MARCHF1: variants seen among roughly 807,000 people sequenced by gnomAD.
The protein encoded by MARCHF1 is membrane associated ring-CH-type finger 1, also known as E3 ubiquitin-protein ligase MARCHF1.
A neutral mutation model predicts 54.2 loss-of-function variants in MARCHF1; 40 were observed. The ratio of observed to expected loss-of-function variants is 0.74; its 90% confidence interval spans 0.57 to 0.96. The LOEUF (loss-of-function observed/expected upper bound fraction) is 0.96, where lower values mean the gene tolerates loss of function less well. Ranked by LOEUF, MARCHF1 falls within the 40% of genes least tolerant of loss-of-function variation. The probability of loss-of-function intolerance (pLI) is 0.00; values close to 1 mark genes in which losing one functional copy is unlikely to be tolerated. For missense variants in MARCHF1, 586 were observed against 656.5 expected (o/e 0.89, Z 1.17); for synonymous variants, 236 against 236.3 (o/e 1.00, Z 0.01).
At chr4:163,635,086 G>A (rs368194070) in intron 5 of MARCHF1, among the ~76,000 whole-genome samples, 3 of 71,176 alleles carry the variant, frequency 4.2e-5, no homozygotes, top group East Asian at 4.4e-4. Context: ...TCTCTGGGAC[G>A]CATTCAAAGC....
chr4:163,879,589 A>C, intron 3 of MARCHF1, among the ~76,000 whole-genome samples: 1 of 152,218 alleles, frequency 6.6e-6, no homozygotes. Context: ...GTATGTGTGC[A>C]CGTGCTTGTG....
At chr4:163,723,639 T>C (rs1199890635) in intron 4 of MARCHF1, among the ~76,000 whole-genome samples, 1 of 152,222 alleles carries the variant, frequency 6.6e-6, no homozygotes, top group Non-Finnish European at 1.5e-5. Flanking sequence ...GGTTCCATTC[T>C]CCCCATCACT....
At chr4:163,992,291 G>A (rs1267232383) in intron 2 of MARCHF1, among the ~76,000 whole-genome samples, 3 of 152,052 alleles carry the variant, frequency 2.0e-5, no homozygotes, top group Non-Finnish European at 2.9e-5. Context: ...ATAAAATTAT[G>A]TGGCATAATA....
chr4:163,902,922 G>A (rs1218044614), intron 3 of MARCHF1, among the ~76,000 whole-genome samples: 2 of 151,954 alleles, frequency 1.3e-5, no homozygotes, highest in Non-Finnish European at 2.9e-5. Flanking sequence ...CTTCTCCAGT[G>A]TCTGCCCCTT....
chr4:164,345,775 T>A (rs1371625787), intron 1 of MARCHF1, among the ~76,000 whole-genome samples: 1 of 152,128 alleles, frequency 6.6e-6, no homozygotes, highest in Admixed American at 6.5e-5. Context: ...TATTTTATCA[T>A]CTGCTGCTGG....
At chr4:163,607,925 T>G (rs1013723303) in intron 7 of MARCHF1, among the ~76,000 whole-genome samples, 1 of 152,034 alleles carries the variant, frequency 6.6e-6, no homozygotes, top group Non-Finnish European at 1.5e-5. Context: ...CTCACTAAAG[T>G]TTTAGAACTG....
intron 5 of MARCHF1, among the ~76,000 whole-genome samples, chr4:163,679,109 A>G (rs1373918727): frequency 6.6e-6 from 1 of 152,208 alleles, no homozygotes; most frequent in Non-Finnish European, 1.5e-5. Context: ...TTGGCTCTCA[A>G]AACATCCAAA....
At position 164,131,797 on chromosome 4, in the gene MARCHF1, G is replaced by A. The variant is rs974696696; in HGVS notation, c.-322-20135C>T. On this transcript the variant is annotated intron_variant, in intron 1 of 9. Transcript: ENST00000514618. Reference sequence around the variant, plus strand: ...GTTTAACGCCTGAGAAGTTTTCAGTGAATTAATTAGCTTTACATAAAAATG... The same window carrying A: ...GTTTAACGCCTGAGAAGTTTTCAGTAAATTAATTAGCTTTACATAAAAATG... 1.4e-4 allele frequency among the ~76,000 whole-genome samples: 21 copies of A among 152,190 alleles called. 1 individual carries two copies. Among genetic ancestry groups the A allele is most frequent in the African/African-American group, 4.8e-4 (20 of 41,558 alleles).
chr4:164,186,490 C>T (rs1048728309), intron 1 of MARCHF1, among the ~76,000 whole-genome samples: 1 of 152,168 alleles, frequency 6.6e-6, no homozygotes, highest in Non-Finnish European at 1.5e-5. Flanking sequence ...TGAGCCAGTG[C>T]AATCTTTTTG....
At chr4:164,348,213 T>A (rs977683946) in intron 1 of MARCHF1, among the ~76,000 whole-genome samples, 3 of 152,102 alleles carry the variant, frequency 2.0e-5, no homozygotes, top group African/African-American at 7.2e-5. Flanking sequence ...CAGACTTACT[T>A]AAAAGCATGG....
At chr4:163,637,132 C>T (rs1481486583) in intron 5 of MARCHF1, among the ~76,000 whole-genome samples, 5 of 151,690 alleles carry the variant, frequency 3.3e-5, no homozygotes, top group African/African-American at 1.2e-4. Context: ...AGACCTAAAA[C>T]CATAAAAACC....
At chr4:164,147,055 C>CA (rs1274820609) in intron 1 of MARCHF1, among the ~76,000 whole-genome samples, 2 of 151,668 alleles carry the variant, frequency 1.3e-5, no homozygotes, top group South Asian at 2.1e-4. Context: ...TTTATGCAGC[C>CA]AAAAAACACA....
chr4:163,849,079 T>C (rs950332143), intron 4 of MARCHF1, among the ~76,000 whole-genome samples: 2 of 152,194 alleles, frequency 1.3e-5, no homozygotes, highest in African/African-American at 4.8e-5. Context: ...TTTAGTCAAA[T>C]ATGTACAATC....
chr4:163,698,095 T>G (rs1042478148), intron 5 of MARCHF1, among the ~76,000 whole-genome samples: 2 of 152,264 alleles, frequency 1.3e-5, no homozygotes, highest in Middle Eastern at 3.4e-3. Context: ...ACAGACAAAC[T>G]TACTAGGGAT....
intron 5 of MARCHF1, among the ~76,000 whole-genome samples, chr4:163,628,529 T>C (rs1214966160): frequency 6.6e-6 from 1 of 152,118 alleles, no homozygotes; most frequent in African/African-American, 2.4e-5. Context: ...TTCAACATAG[T>C]ATTAGAAGCT....
At chr4:163,904,907 A>G (rs1381238602) in intron 3 of MARCHF1, among the ~76,000 whole-genome samples, 1 of 152,156 alleles carries the variant, frequency 6.6e-6, no homozygotes, top group Non-Finnish European at 1.5e-5. Context: ...ATCTGATTCT[A>G]ACTTGTATTT....
intron 1 of MARCHF1, among the ~76,000 whole-genome samples, chr4:164,222,634 G>C (rs907603171): frequency 1.3e-5 from 2 of 151,872 alleles, no homozygotes; most frequent in African/African-American, 4.8e-5. Flanking sequence ...AGGATGGAGA[G>C]AGGGAACCAG....
At position 163,842,145 on chromosome 4, in the gene MARCHF1, ACCTCTTCCTCCAG is replaced by A. The variant is rs898358279; in HGVS notation, c.111+11863_111+11875del. Among the ~76,000 whole-genome samples the A allele has an allele frequency of 4.7e-4, 72 of 152,110 alleles. 1 individual carries two copies. Among genetic ancestry groups the A allele is most frequent in the African/African-American group, 1.5e-3 (64 of 41,514 alleles). On this transcript the variant is annotated intron_variant, in intron 4 of 9. Transcript: ENST00000514618. ...AAAAGAGAATCTATTAAACAACCTTACCTCTTCCTCCAGAAATGTAGTGGATAATTATTTGTAC... is the reference window on the plus strand; with the variant it reads ...AAAAGAGAATCTATTAAACAACCTTAAAATGTAGTGGATAATTATTTGTAC...
At chr4:163,989,286 T>TGA (rs35987221) in intron 2 of MARCHF1, among the ~76,000 whole-genome samples, 6,934 of 144,824 alleles carry the variant, frequency 0.048, 199 homozygotes, top group Non-Finnish European at 0.063. Context: ...AATGAGGTGT[T>TGA]GAGAGAGAGA....
Sources: allele counts gnomAD v4.1 joint callset (sites outside exome capture counted in the v4.1 genomes callset), GRCh38; gene constraint gnomAD v4.1.1; transcripts MANE v1.5; gene names NCBI Gene and HGNC (gene_info 2026-07-23, HGNC 2026-07-21).